Variants in THSD4 observed in about 807,000 individuals in gnomAD.
THSD4 encodes the protein thrombospondin type-1 domain-containing protein 4.
Under a neutral mutation model 119.0 loss-of-function variants are expected in THSD4, and 69 were observed. That is an observed-to-expected ratio of 0.58 (90% CI 0.48 to 0.71). The LOEUF is 0.71. Among genes scored for constraint, THSD4 ranks in the 30% least tolerant of loss-of-function variants. THSD4 has a pLI of 0.00. For missense variants in THSD4, 1,393 were observed against 1,391.1 expected (o/e 1.00, Z -0.02); for synonymous variants, 524 against 540.4 (o/e 0.97, Z 0.42).
chr15:71,518,192 C>T (rs1202475087), intron 7 of THSD4, among the ~76,000 whole-genome samples: 3 of 152,108 alleles, frequency 2.0e-5, no homozygotes, highest in African/African-American at 7.2e-5. Flanking sequence ...TGCGGGGAAA[C>T]CTGTTTACCT....
rs1454519770 is a variant in THSD4, at chr15:71,737,910, C to A, written c.1809C>A (p.Asp603Glu). Residue 603 changes from aspartate to glutamate, a missense_variant, in exon 11 of 18, where the codon GAC becomes GAA. Coordinates refer to ENST00000261862, the MANE Select transcript of THSD4 (RefSeq NM_024817.3). ...HPDRFSPHRP[D>E]NLVPPAPQPP... is the part of the protein sequence containing the mutation. ...ACAGATTTTCTCCCCATCGACCGGA[C>A]AACTTGGTGCCACCAGCACCGCAGC... 2 of 1,614,258 alleles carry A rather than the reference C, an allele frequency of 1.2e-6. No homozygotes were observed. The highest frequency in any genetic ancestry group is 2.2e-5 in the East Asian group (1 of 44,880).
intron 7 of THSD4, among the ~76,000 whole-genome samples, chr15:71,610,553 A>G (rs1384632375): frequency 1.3e-5 from 2 of 152,240 alleles, no homozygotes; most frequent in East Asian, 1.9e-4. Context: ...GGAGATGACA[A>G]CAGGGACAGG....
chr15:71,577,244 C>G (rs1315407418), intron 7 of THSD4, among the ~76,000 whole-genome samples: 1 of 152,150 alleles, frequency 6.6e-6, no homozygotes, highest in Non-Finnish European at 1.5e-5. Flanking sequence ...TCGATCAGTG[C>G]CAGGACATCA....
intron 6 of THSD4, among the ~76,000 whole-genome samples, chr15:71,353,821 A>T (rs1446482398): frequency 6.6e-6 from 1 of 152,198 alleles, no homozygotes; most frequent in Admixed American, 6.5e-5. Context: ...TGCCTCTGCC[A>T]TTTGCTGTTC....
chr15:71,565,618 G>A (rs1018321377), intron 7 of THSD4, among the ~76,000 whole-genome samples: 4 of 150,556 alleles, frequency 2.7e-5, no homozygotes, highest in African/African-American at 7.2e-5. Flanking sequence ...CTGGAAGGAT[G>A]TGTTAGAAGT....
At chr15:71,518,114 T>A (rs2048386449) in intron 7 of THSD4, among the ~76,000 whole-genome samples, 1 of 152,212 alleles carries the variant, frequency 6.6e-6, no homozygotes, top group Non-Finnish European at 1.5e-5. Flanking sequence ...GGAACATATG[T>A]GCATTGCTCA....
At chr15:71,352,085 G>GGCTTTTAATTAAAC (rs1414218212) in intron 6 of THSD4, among the ~76,000 whole-genome samples, 1 of 151,882 alleles carries the variant, frequency 6.6e-6, no homozygotes, top group Non-Finnish European at 1.5e-5. Flanking sequence ...TTAAACAAAA[G>GGCTTTTAATTAAAC]AAAAGACTGC....
chr15:71,468,263 G>A (rs950139043), intron 7 of THSD4, among the ~76,000 whole-genome samples: 7 of 152,124 alleles, frequency 4.6e-5, no homozygotes, highest in Admixed American at 2.6e-4. Flanking sequence ...AGGCCTCCTC[G>A]GCCATGTGTA....
At chr15:71,532,283 A>AGAGAGAGAGAGAGAGAGAGTGTGT (rs1379506089) in intron 7 of THSD4, among the ~76,000 whole-genome samples, 21 of 101,634 alleles carry the variant, frequency 2.1e-4, no homozygotes, top group East Asian at 9.5e-4. Flanking sequence ...AGAGAGAGAG[A>AGAGAGAGAGAGAGAGAGAGTGTGT]GTGTGTGTGT....
chr15:71,371,803 T>G lies in THSD4; in HGVS notation c.1016-39884T>G, dbSNP rs537957776. Reference sequence around the variant, plus strand: ...AGTATCTTTGTGGCATTCTCTGTATTTCCTGAATTTGAATGTTGGCCTGCC... The same window carrying G: ...AGTATCTTTGTGGCATTCTCTGTATGTCCTGAATTTGAATGTTGGCCTGCC... On this transcript the variant is annotated intron_variant, in intron 6 of 17. Coordinates refer to ENST00000261862, the MANE Select transcript of THSD4 (RefSeq NM_024817.3). Among the ~76,000 whole-genome samples, 203 of 152,320 alleles carry G rather than the reference T, an allele frequency of 1.3e-3. 1 individual carries two copies. Among genetic ancestry groups the G allele is most frequent in the African/African-American group, 4.7e-3 (196 of 41,566 alleles).
intron 6 of THSD4, among the ~76,000 whole-genome samples, chr15:71,330,919 T>C (rs1462278807): frequency 6.6e-6 from 1 of 152,190 alleles, no homozygotes; most frequent in African/African-American, 2.4e-5. Flanking sequence ...TTGAGTGACA[T>C]GGACACTAAC....
chr15:71,236,756 T>G (rs1352874255), intron 4 of THSD4, among the ~76,000 whole-genome samples: 1 of 152,184 alleles, frequency 6.6e-6, no homozygotes, highest in South Asian at 2.1e-4. Flanking sequence ...TGAAGGAGCC[T>G]GCAGCCTGGT....
chr15:71,323,586 C>G (rs1026818718), intron 6 of THSD4, among the ~76,000 whole-genome samples: 1 of 152,158 alleles, frequency 6.6e-6, no homozygotes, highest in Non-Finnish European at 1.5e-5. Context: ...GGTGCCAGAG[C>G]AGATCCTTAT....
chr15:71,603,360 G>A (rs981003833), intron 7 of THSD4, among the ~76,000 whole-genome samples: 2 of 152,200 alleles, frequency 1.3e-5, no homozygotes, highest in African/African-American at 2.4e-5. Flanking sequence ...AACTAAAGAA[G>A]CCAGGCTCCT....
intron 1 of THSD4, among the ~76,000 whole-genome samples, chr15:71,127,950 T>C (rs1415582273): frequency 1.3e-5 from 2 of 152,164 alleles, no homozygotes; most frequent in African/African-American, 2.4e-5. Context: ...CCTGCACTTC[T>C]GGGGTTAAAT....
chr15:71,728,277 C>T (rs574976350), intron 8 of THSD4, among the ~76,000 whole-genome samples: 1 of 152,236 alleles, frequency 6.6e-6, no homozygotes, highest in South Asian at 2.1e-4. Context: ...CTCCCATTTT[C>T]CACATCCTTT....
chr15:71,347,779 C>T (rs930630774), intron 6 of THSD4, among the ~76,000 whole-genome samples: 26 of 151,966 alleles, frequency 1.7e-4, no homozygotes, highest in African/African-American at 5.3e-4. Context: ...AGATATAGAA[C>T]ATTTCCATCA....
intron 7 of THSD4, among the ~76,000 whole-genome samples, chr15:71,517,492 G>T (rs1163684202): frequency 6.6e-6 from 1 of 152,086 alleles, no homozygotes; most frequent in African/African-American, 2.4e-5. Context: ...CAAAATTTAA[G>T]TATATTTGGA....
chr15:71,732,056 C>T (rs530929173), intron 10 of THSD4: 2 of 152,400 alleles, frequency 1.3e-5, no homozygotes, highest in East Asian at 3.9e-4. Flanking sequence ...CTCTGACTCT[C>T]ATCTTCCTCT....
Sources: allele counts gnomAD v4.1 joint callset (sites outside exome capture counted in the v4.1 genomes callset), GRCh38; gene constraint gnomAD v4.1.1; transcripts MANE v1.5; gene names NCBI Gene and HGNC (gene_info 2026-07-23, HGNC 2026-07-21).